The following DAPK2 variants were observed in gnomAD, a reference collection of about 807,000 sequenced individuals.
DAPK2 encodes death associated protein kinase 2.
Under a neutral mutation model 44.1 loss-of-function variants are expected in DAPK2, and 35 were observed. That is an observed-to-expected ratio of 0.79 (90% CI 0.61 to 1.05). The LOEUF (loss-of-function observed/expected upper bound fraction) is 1.05, where lower values mean the gene tolerates loss of function less well. Ranked by LOEUF, DAPK2 falls within the 50% of genes least tolerant of loss-of-function variation. DAPK2 has a pLI of 0.00. For missense variants in DAPK2, 453 were observed against 483.2 expected (o/e 0.94, Z 0.59); for synonymous variants, 174 against 182.6 (o/e 0.95, Z 0.38).
chr15:64,011,950 G>A (rs1353745496), intron 1 of DAPK2, among the ~76,000 whole-genome samples: 1 of 152,136 alleles, frequency 6.6e-6, no homozygotes, highest in African/African-American at 2.4e-5. Flanking sequence ...CCTCAGCCCA[G>A]CTTGGCCACC....
At chr15:63,959,308 A>G (rs1256251841) in intron 3 of DAPK2, among the ~76,000 whole-genome samples, 1 of 152,182 alleles carries the variant, frequency 6.6e-6, no homozygotes, top group Non-Finnish European at 1.5e-5. Context: ...AAACAGGGAC[A>G]ATTTGACTTC....
intron 3 of DAPK2, among the ~76,000 whole-genome samples, chr15:63,944,195 G>A (rs1010466500): frequency 1.9e-4 from 29 of 152,154 alleles, no homozygotes; most frequent in Non-Finnish European, 3.1e-4. Flanking sequence ...GAAGGTGGCC[G>A]TGGGGCAGTA....
At chr15:64,028,253 T>C (rs2079910877) in intron 1 of DAPK2, among the ~76,000 whole-genome samples, 1 of 152,212 alleles carries the variant, frequency 6.6e-6, no homozygotes, top group Non-Finnish European at 1.5e-5. Context: ...GAGATGGGGT[T>C]TCGCCATGTT....
At chr15:63,911,622 C>T (rs967393719) in intron 10 of DAPK2, 6 of 465,682 alleles carry the variant, frequency 1.3e-5, no homozygotes, top group Admixed American at 3.6e-5. Context: ...TGTGGTCAGC[C>T]GGCAGCAGCG....
chr15:64,037,646 A>G (rs417630), intron 1 of DAPK2, among the ~76,000 whole-genome samples: 148,671 of 152,270 alleles, frequency 0.98, 72,672 homozygotes, highest in East Asian at 1. Flanking sequence ...GGGCAGGAGA[A>G]AAGAATAGGA....
rs200773863 is a variant in DAPK2 at position 63,911,948 on chromosome 15, G to C, written c.992C>G (p.Ser331Trp). 6 of 1,613,834 alleles carry C rather than the reference G, an allele frequency of 3.7e-6. No homozygotes were observed. In the African/African-American group the frequency reaches 6.7e-5, roughly 18 times the overall value. Residue 331 changes from serine to tryptophan, a missense_variant, in exon 10 of 11, where the codon TCG becomes TGG. Transcript: ENST00000261891. ...CCTCAGGTGCACCTTCTTCATCAGC[G>C]AGCGGGTGAGGTGGTTGCACAGGGA...
chr15:63,955,098 A>G (rs2077688050), intron 3 of DAPK2, among the ~76,000 whole-genome samples: 1 of 152,226 alleles, frequency 6.6e-6, no homozygotes, highest in Non-Finnish European at 1.5e-5. Context: ...TCTGCAAACA[A>G]GGATAATTTT....
Position 63,989,680 on chromosome 15 carries a change from T to C in DAPK2, c.93-5926A>G, listed in dbSNP as rs1308252752. On this transcript the variant is annotated intron_variant, in intron 1 of 10. Coordinates refer to ENST00000261891, the Ensembl canonical transcript of DAPK2. Reference sequence around the variant, plus strand: ...TTATACATACATACACACACATACATACATACACACACACATACATACACA... The same window carrying C: ...TTATACATACATACACACACATACACACATACACACACACATACATACACA... Among the ~76,000 whole-genome samples, 4 of 152,218 alleles carry C rather than the reference T, an allele frequency of 2.6e-5. No homozygotes were observed. In the East Asian group the frequency reaches 7.7e-4, roughly 29 times the overall value.
chr15:63,911,603 TG>T (rs1177873196), intron 10 of DAPK2: 2 of 414,402 alleles, frequency 4.8e-6, no homozygotes, highest in African/African-American at 4.0e-5. Context: ...AAATACATTT[TG>T]GGTTGTCTGT....
intron 8 of DAPK2, among the ~76,000 whole-genome samples, chr15:63,915,349 A>G (rs1267153881): frequency 6.6e-6 from 1 of 152,126 alleles, no homozygotes; most frequent in Non-Finnish European, 1.5e-5. Context: ...TCCCCAACCC[A>G]TCAACCATTT....
rs2079444000 is a variant in DAPK2, at chr15:64,013,545, A to T, written c.92+26625T>A. On this transcript the variant is annotated intron_variant, in intron 1 of 10. Transcript: ENST00000261891. This position sits in a 1 kb window ranked among gnomAD's most constrained non-coding sequence, Gnocchi z 4.7. Reference sequence around the variant, plus strand: ...CATGAGGAGAAGGGGCAAGAACTTTAAAAGTAGAAAAACCTAAGGGCTAGA... The same window carrying T: ...CATGAGGAGAAGGGGCAAGAACTTTTAAAGTAGAAAAACCTAAGGGCTAGA... Among the ~76,000 whole-genome samples, 1 of 152,208 alleles carries T rather than the reference A, an allele frequency of 6.6e-6. No individual in the cohort carries two copies. Among genetic ancestry groups the T allele is most frequent in the Admixed American group, 6.5e-5 (1 of 15,276 alleles).
At position 63,923,270 on chromosome 15, in the gene DAPK2, T is replaced by C; in HGVS notation, c.858+1546A>G. 1.3e-6 allele frequency: 2 copies of C among 1,535,946 alleles called. No homozygotes were observed. The highest frequency in any genetic ancestry group is 1.7e-6 in the Non-Finnish European group (2 of 1,146,748). On this transcript the variant is annotated intron_variant, in intron 8 of 10. Transcript: ENST00000261891. This position sits in a 1 kb window ranked among gnomAD's most constrained non-coding sequence, Gnocchi z 4.2. ...GCTTGAGTGGCATTTGAGAGTGTAC[T>C]CTCTCAGGTGCTTGGTCTTCAGCTG...
chr15:63,967,239 T>A (rs1403970109), intron 3 of DAPK2, among the ~76,000 whole-genome samples: 1 of 152,142 alleles, frequency 6.6e-6, no homozygotes, highest in Non-Finnish European at 1.5e-5. Flanking sequence ...CTGTGACCTC[T>A]CACCTGGTTT....
At chr15:63,922,637 A>C in intron 8 of DAPK2, 1 of 1,437,400 alleles carries the variant, frequency 7.0e-7, no homozygotes, top group Non-Finnish European at 9.1e-7. Flanking sequence ...ACAGACACAC[A>C]CCCCTGCAGG....
intron 3 of DAPK2, among the ~76,000 whole-genome samples, chr15:63,963,107 G>A (rs1041765393): frequency 6.6e-6 from 1 of 152,146 alleles, no homozygotes; most frequent in Middle Eastern, 3.2e-3. Flanking sequence ...AGACTGCTGT[G>A]CTAGCAGTGA....
chr15:64,037,883 C>T (rs796414413), intron 1 of DAPK2, among the ~76,000 whole-genome samples: 5 of 152,272 alleles, frequency 3.3e-5, no homozygotes, highest in African/African-American at 1.2e-4. Context: ...CCCTGGGCCT[C>T]CCCTGCTGCT....
intron 1 of DAPK2, among the ~76,000 whole-genome samples, chr15:64,014,373 A>G (rs530438599): frequency 2.6e-5 from 4 of 152,352 alleles, no homozygotes; most frequent in Non-Finnish European, 5.9e-5. Context: ...AGGACCTTTG[A>G]TAGTATCCGA....
At chr15:63,958,317 G>T (rs936035678) in intron 3 of DAPK2, among the ~76,000 whole-genome samples, 5 of 152,090 alleles carry the variant, frequency 3.3e-5, no homozygotes, top group Admixed American at 1.3e-4. Flanking sequence ...TGTTCACTCT[G>T]ATGGTAGTTT....
At chr15:63,925,789 G>A in intron 7 of DAPK2, 152 bp downstream of exon 8, 1 of 911,472 alleles carries the variant, frequency 1.1e-6, no homozygotes, top group South Asian at 1.6e-5. Flanking sequence ...GCCACGTCTT[G>A]GCTAGGCCAC....
Sources: allele counts gnomAD v4.1 joint callset (sites outside exome capture counted in the v4.1 genomes callset), GRCh38; gene constraint gnomAD v4.1.1; non-coding constraint Gnocchi (gnomAD v3.1); transcripts MANE v1.5; gene names NCBI Gene and HGNC (gene_info 2026-07-23, HGNC 2026-07-21).